The following MAP4 variants were observed in gnomAD, a reference collection of about 807,000 sequenced individuals.
MAP4 encodes microtubule-associated protein 4.
A neutral mutation model predicts 170.2 loss-of-function variants in MAP4; 76 were observed. The ratio of observed to expected loss-of-function variants is 0.45; its 90% confidence interval spans 0.37 to 0.54. MAP4 has a LOEUF of 0.54. MAP4 is among the 20% of genes least tolerant of loss of function. The pLI is 0.00. For missense variants in MAP4, 2,506 were observed against 2,748.0 expected (o/e 0.91, Z 1.97); for synonymous variants, 909 against 994.5 (o/e 0.91, Z 1.62).
intron 10 of MAP4, among the ~76,000 whole-genome samples, chr3:47,884,849 T>G (rs1210702092): frequency 6.6e-6 from 1 of 152,124 alleles, no homozygotes; most frequent in African/African-American, 2.4e-5. Flanking sequence ...TGCCCCTGGG[T>G]AGAGGATTAC....
intron 10 of MAP4, among the ~76,000 whole-genome samples, chr3:47,881,826 G>C (rs947953557): frequency 6.6e-6 from 1 of 151,746 alleles, no homozygotes; most frequent in East Asian, 1.9e-4. Context: ...GGCTGGTCTC[G>C]AACTCCTAGG....
chr3:47,996,221 G>A (rs1290882170), intron 2 of MAP4, among the ~76,000 whole-genome samples: 1 of 152,150 alleles, frequency 6.6e-6, no homozygotes, highest in Non-Finnish European at 1.5e-5. Flanking sequence ...TAGGGAAAGA[G>A]TAATAGAAAC....
chr3:48,009,610 G>T (rs2100104197), intron 1 of MAP4, among the ~76,000 whole-genome samples: 1 of 152,200 alleles, frequency 6.6e-6, no homozygotes, highest in African/African-American at 2.4e-5. Flanking sequence ...CCAACTAGGT[G>T]ACAATACTTT....
chr3:47,979,492 G>A (rs1204922034), intron 2 of MAP4, among the ~76,000 whole-genome samples: 1 of 152,128 alleles, frequency 6.6e-6, no homozygotes, highest in African/African-American at 2.4e-5. Flanking sequence ...GTCTCTCTCT[G>A]TCGCCCAGGC....
intron 1 of MAP4, among the ~76,000 whole-genome samples, chr3:48,049,620 TA>T (rs1047275676): frequency 6.8e-6 from 1 of 147,514 alleles, no homozygotes; most frequent in Non-Finnish European, 1.5e-5. Context: ...CCAGGTCTAC[TA>T]AAAAAATTGA....
intron 3 of MAP4, among the ~76,000 whole-genome samples, chr3:47,954,372 A>ATGAT (rs1454124578): frequency 6.6e-6 from 1 of 152,220 alleles, no homozygotes; most frequent in African/African-American, 2.4e-5. Context: ...ACTGGTAATC[A>ATGAT]GAACACCTTG....
At chr3:47,926,309 A>G (rs1301677359) in intron 4 of MAP4, among the ~76,000 whole-genome samples, 1 of 151,610 alleles carries the variant, frequency 6.6e-6, no homozygotes, top group East Asian at 1.9e-4. Context: ...TCAGCCTCCC[A>G]AGTAGCTGGC....
At chr3:47,948,970 C>T (rs1181680865) in intron 3 of MAP4, among the ~76,000 whole-genome samples, 2 of 152,172 alleles carry the variant, frequency 1.3e-5, no homozygotes, top group African/African-American at 4.8e-5. Context: ...AACTCAGCCA[C>T]TCAGAATTCT....
In MAP4 at chr3:47,909,143, G is replaced by A. The variant is rs1345656946; in HGVS notation, c.5278C>T (p.Pro1760Ser). Residue 1760 changes from proline to serine, a missense_variant, in exon 9 of 21, where the codon CCA becomes TCA. Coordinates refer to ENST00000683076, the MANE Select transcript of MAP4 (RefSeq NM_001385682.1). The stretch of plus-strand genomic sequence containing the variant: ...GTGGGTCTCATGTAGCCTTTCATTG[G>A]TTCTGCCATTCTGCTTTTATCTTCC... Reference protein sequence around the residue: ...KKEDKSRMAEPMKGYMRPTKS... With the variant: ...KKEDKSRMAESMKGYMRPTKS... 2 of 1,612,130 alleles carry A rather than the reference G, an allele frequency of 1.2e-6. No individual in the cohort carries two copies. Among genetic ancestry groups the A allele is most frequent in the Non-Finnish European group, 1.7e-6 (2 of 1,179,666 alleles).
At position 47,918,699 on chromosome 3, in the gene MAP4, G is replaced by A. The variant is rs2100041073; in HGVS notation, c.652+20C>T. On this transcript the variant is annotated intron_variant, in intron 6 of 20. Transcript: ENST00000683076. ...AATACTGCAACCATTAACTGATAAA[G>A]GGAGTCTCTAATAGTTTACCTGCCG... 3.1e-6 allele frequency: 5 copies of A among 1,590,024 alleles called. No individual in the cohort carries two copies. The highest frequency in any genetic ancestry group is 4.3e-6 in the Non-Finnish European group (5 of 1,159,414).
At chr3:48,040,888 C>T (rs1014441853) in intron 1 of MAP4, among the ~76,000 whole-genome samples, 3 of 151,830 alleles carry the variant, frequency 2.0e-5, no homozygotes, top group Admixed American at 6.6e-5. Context: ...TTGATAGAGA[C>T]GGGGTTTTGC....
chr3:47,894,712 A>G (rs2100025861), intron 10 of MAP4, among the ~76,000 whole-genome samples: 1 of 152,056 alleles, frequency 6.6e-6, no homozygotes, highest in African/African-American at 2.4e-5. Flanking sequence ...AGTATGTACA[A>G]TATGTGAGGA....
intron 3 of MAP4, among the ~76,000 whole-genome samples, chr3:47,968,594 A>C (rs2100076544): frequency 6.6e-6 from 1 of 152,346 alleles, no homozygotes; most frequent in East Asian, 1.9e-4. Context: ...AAACAGTGGT[A>C]AGAGGGAAAT....
At chr3:47,858,405 C>CTCCA (rs2060032598) in intron 17 of MAP4, among the ~76,000 whole-genome samples, 1 of 152,164 alleles carries the variant, frequency 6.6e-6, no homozygotes, top group South Asian at 2.1e-4. Flanking sequence ...TCCATGCATG[C>CTCCA]TCCAGACAGC....
At chr3:47,894,303 C>T (rs2100025621) in intron 10 of MAP4, among the ~76,000 whole-genome samples, 1 of 152,196 alleles carries the variant, frequency 6.6e-6, no homozygotes, top group Middle Eastern at 3.2e-3. Context: ...ATATGATTGG[C>T]CGGGTGTGGT....
chr3:48,067,622 C>G (rs1036634625), intron 1 of MAP4, among the ~76,000 whole-genome samples: 2 of 142,480 alleles, frequency 1.4e-5, no homozygotes, highest in Non-Finnish European at 3.0e-5. Flanking sequence ...TCAAAGTTAA[C>G]AAGAGAAACC....
At chr3:48,043,545 T>C (rs1390325679) in intron 1 of MAP4, among the ~76,000 whole-genome samples, 1 of 152,232 alleles carries the variant, frequency 6.6e-6, no homozygotes, top group Non-Finnish European at 1.5e-5. Flanking sequence ...GGATATTTCC[T>C]TTTTGCATTA....
chr3:47,954,823 T>C (rs1254020372), intron 3 of MAP4, among the ~76,000 whole-genome samples: 1 of 150,766 alleles, frequency 6.6e-6, no homozygotes, highest in East Asian at 1.9e-4. Context: ...TGGGCCTACT[T>C]TGTTGTTATC....
intron 1 of MAP4, among the ~76,000 whole-genome samples, chr3:48,023,865 G>C (rs938923182): frequency 6.6e-6 from 1 of 152,132 alleles, no homozygotes; most frequent in Admixed American, 6.6e-5. Context: ...GCAGGGGTTG[G>C]GGGGAGACCC....
Sources: allele counts gnomAD v4.1 joint callset (sites outside exome capture counted in the v4.1 genomes callset), GRCh38; gene constraint gnomAD v4.1.1; transcripts MANE v1.5; gene names NCBI Gene and HGNC (gene_info 2026-07-23, HGNC 2026-07-21).